PLCG2: variants seen among roughly 807,000 people sequenced by gnomAD.
PLCG2 encodes the protein 1-phosphatidylinositol 4,5-bisphosphate phosphodiesterase gamma-2.
PLCG2 carries 69 observed loss-of-function variants against 175.6 expected under a neutral mutation model. The ratio of observed to expected loss-of-function variants is 0.39; its 90% CI spans 0.32 to 0.48. PLCG2 has a LOEUF of 0.48. Among genes scored for constraint, PLCG2 ranks in the 20% least tolerant of loss-of-function variants. The pLI is 0.91. For missense variants in PLCG2, 1,798 were observed against 1,650.9 expected (o/e 1.09, Z -1.54); for synonymous variants, 827 against 624.0 (o/e 1.33, Z -4.85).
At chr16:81,927,345 T>C (rs892183767) in intron 23 of PLCG2, among the ~76,000 whole-genome samples, 167 bp downstream of exon 23, 3 of 151,940 alleles carry the variant, frequency 2.0e-5, no homozygotes, top group African/African-American at 7.3e-5. Context: ...TGAGATTGAG[T>C]TGTTGTGGGT....
intron 31 of PLCG2, among the ~76,000 whole-genome samples, chr16:81,949,769 A>G (rs760717768): frequency 2.0e-5 from 3 of 152,222 alleles, no homozygotes; most frequent in Admixed American, 6.5e-5. Flanking sequence ...ATTGGAAGAA[A>G]TATACCATGA....
intron 13 of PLCG2, among the ~76,000 whole-genome samples, chr16:81,900,131 G>A (rs1464456465): frequency 6.6e-6 from 1 of 152,174 alleles, no homozygotes. Flanking sequence ...ACATATGTGT[G>A]CATATGAATG....
At chr16:81,770,847 A>C (rs1184072344) in intron 2 of PLCG2, among the ~76,000 whole-genome samples, 1 of 152,132 alleles carries the variant, frequency 6.6e-6, no homozygotes, top group Non-Finnish European at 1.5e-5. Context: ...TCGTGAGGTC[A>C]GGAGATCGAG....
intron 19 of PLCG2, among the ~76,000 whole-genome samples, chr16:81,914,647 T>G (rs1909764915): frequency 6.6e-6 from 1 of 152,224 alleles, no homozygotes. Context: ...GCTCCAGAGA[T>G]GCAGGAGTGA....
rs1301029829 is a variant in PLCG2 at position 81,823,858 on chromosome 16, C to CTTCTT, written c.194-30573_194-30569dup. On this transcript the variant is annotated intron_variant, in intron 2 of 32. Transcript: ENST00000564138. ...TCTTTTCTTTTCTTTTTTTTCCTTC[C>CTTCTT]TTCTTTTCTTTTCTTTTTTCTTCCT... 2.6e-5 allele frequency among the ~76,000 whole-genome samples: 4 copies of CTTCTT among 151,584 alleles called. 1 individual carries two copies. The highest frequency in any genetic ancestry group is 2.0e-4 in the Admixed American group (3 of 15,184).
chr16:81,956,839 G>A lies in PLCG2; in HGVS notation c.3715G>A (p.Glu1239Lys), dbSNP rs1471753383. 1.2e-6 allele frequency: 2 copies of A among 1,614,132 alleles called. No individual in the cohort carries two copies. The highest frequency in any genetic ancestry group is 1.7e-6 in the Non-Finnish European group (2 of 1,179,988). Residue 1239 changes from glutamate (E) to lysine (K), a missense_variant, in exon 32 of 33, where the codon GAG becomes AAG. Physicochemically the swap from Glu to Lys is moderately conservative, Grantham distance 56. Coordinates refer to ENST00000564138, the MANE Select transcript of PLCG2 (RefSeq NM_002661.5). ...CCTGGTTAAAGAGTTCAGTGTTAAT[G>A]AGAACCAGCTCCAGCTGTACCAGGA... is the stretch of plus-strand genomic sequence containing the variant. ...DALVKEFSVN[E>K]NQLQLYQEKC... is the part of the protein sequence containing the mutation.
At position 81,831,782 on chromosome 16, in the gene PLCG2, G is replaced by A. The variant is rs1048937588; in HGVS notation, c.194-22662G>A. 2.0e-5 allele frequency among the ~76,000 whole-genome samples: 3 copies of A among 152,168 alleles called. No individual in the cohort carries two copies. In the East Asian group the frequency reaches 5.8e-4, roughly 29 times the overall value. The stretch of plus-strand genomic sequence containing the variant: ...CCCCAATCCTGCCTTGTCTGAAAGG[G>A]AAGGAAGGCTCTTACCTTCTAGCTG... On this transcript the variant is annotated intron_variant, in intron 2 of 32. Coordinates refer to ENST00000564138, the MANE Select transcript of PLCG2 (RefSeq NM_002661.5).
chr16:81,957,724 C>G (rs1173089277), intron 32 of PLCG2, among the ~76,000 whole-genome samples: 1 of 152,096 alleles, frequency 6.6e-6, no homozygotes. Context: ...CTCATTGAAT[C>G]TTCATGTCAG....
chr16:81,906,590 A>C (rs1297585066), intron 15 of PLCG2, among the ~76,000 whole-genome samples: 1 of 152,112 alleles, frequency 6.6e-6, no homozygotes, highest in East Asian at 1.9e-4. Flanking sequence ...TGCCCTGCTA[A>C]TTTTTGTAGC....
At chr16:81,760,262 A>C (rs1298933696) in intron 2 of PLCG2, among the ~76,000 whole-genome samples, 1 of 152,228 alleles carries the variant, frequency 6.6e-6, no homozygotes, top group African/African-American at 2.4e-5. Flanking sequence ...TTGCTCGAGT[A>C]GAGCAGTGCC....
chr16:81,875,048 C>A (rs555561680), intron 7 of PLCG2, among the ~76,000 whole-genome samples: 2 of 145,018 alleles, frequency 1.4e-5, no homozygotes, highest in South Asian at 2.3e-4. Flanking sequence ...ACTGCAACCT[C>A]TTCCTTCCGG....
At chr16:81,747,262 C>T (rs574289475) in intron 1 of PLCG2, among the ~76,000 whole-genome samples, 11 of 152,250 alleles carry the variant, frequency 7.2e-5, no homozygotes, top group South Asian at 6.2e-4. Flanking sequence ...GGACTGGGCG[C>T]GGTGGCTCAC....
chr16:81,803,208 T>C (rs1372709650), intron 2 of PLCG2, among the ~76,000 whole-genome samples: 1 of 148,280 alleles, frequency 6.7e-6, no homozygotes, highest in Admixed American at 6.9e-5. Flanking sequence ...AAGCTCTGCC[T>C]CATGGGTTCA....
intron 5 of PLCG2, among the ~76,000 whole-genome samples, chr16:81,866,825 G>C (rs1307895631): frequency 6.6e-6 from 1 of 152,222 alleles, no homozygotes; most frequent in Non-Finnish European, 1.5e-5. Flanking sequence ...CTGCCGCTCT[G>C]GTAGCGCCTG....
chr16:81,816,757 C>T (rs774518226), intron 2 of PLCG2, among the ~76,000 whole-genome samples: 5 of 143,992 alleles, frequency 3.5e-5, no homozygotes, highest in Non-Finnish European at 7.5e-5. Flanking sequence ...GCATTTCAGC[C>T]TCCCAAAATG....
Position 81,916,773 on chromosome 16 carries a change from GA to G in PLCG2, c.2055-2710del, listed in dbSNP as rs1471090874. 6.6e-5 allele frequency among the ~76,000 whole-genome samples: 10 copies of G among 152,242 alleles called. No homozygotes were observed. In the East Asian group the frequency reaches 1.9e-3, roughly 29 times the overall value. Reference sequence around the variant, plus strand: ...CTGCCTCAGGCTCCTGAGTAGCTGGGATTACAGGCATGCACCACCATGCCTG... The same window carrying G: ...CTGCCTCAGGCTCCTGAGTAGCTGGGTTACAGGCATGCACCACCATGCCTG... On this transcript the variant is annotated intron_variant, in intron 19 of 32. Transcript: ENST00000564138.
At chr16:81,858,432 A>AGG (rs398119556) in intron 4 of PLCG2, 76 bp downstream of exon 4, 2 of 971,432 alleles carry the variant, frequency 2.1e-6, no homozygotes, top group African/African-American at 4.5e-5. Context: ...CATGGGCTAC[A>AGG]GGGGGGAAAA....
At position 81,930,734 on chromosome 16, in the gene PLCG2, T is replaced by A. The variant is rs1381208115; in HGVS notation, c.2582-763T>A. ...CTGCACTTCAGCCTGGGTGACAGAG[T>A]GCCACCCTGTCTCAAAAAAAAAAAA... On this transcript the variant is annotated intron_variant, in intron 24 of 32. Transcript: ENST00000564138. Among the ~76,000 whole-genome samples, 5 of 114,184 alleles carry A rather than the reference T, an allele frequency of 4.4e-5. No individual in the cohort carries two copies. The East Asian group carries it at 1.3e-3, about 30-fold the overall frequency. The allele number at this position is 114,184 out of a possible 152,430, so 74.9% of individuals were successfully genotyped here.
intron 29 of PLCG2, 107 bp from the exon 30 acceptor site, chr16:81,939,785 T>C: frequency 1.4e-6 from 1 of 722,764 alleles, no homozygotes; most frequent in Non-Finnish European, 2.4e-6. Context: ...GATGCATATT[T>C]ATTTACATGG....
Sources: gnomAD v4.1 joint callset for allele counts (sites outside exome capture counted in the v4.1 genomes callset) on GRCh38, gnomAD v4.1.1 for gene constraint, MANE v1.5 for transcripts, NCBI Gene and HGNC (gene_info 2026-07-23, HGNC 2026-07-21) for gene names.